Variants in JADE3 observed in about 807,000 individuals in gnomAD.
JADE3 encodes protein Jade-3.
In JADE3, 2 loss-of-function variants were observed where a neutral mutation model predicts 50.1. The observed-to-expected ratio is 0.04, with a 90% CI of 0.02 to 0.13. The LOEUF is 0.13. JADE3 is among the 10% of genes least tolerant of loss of function. JADE3 has a pLI of 1.00. For missense variants in JADE3, 475 were observed against 634.4 expected, an observed-to-expected ratio of 0.75 and a Z score of 2.70; for synonymous variants, 218 against 232.9, an observed-to-expected ratio of 0.94 and a Z score of 0.58.
intron 4 of JADE3, among the ~76,000 whole-genome samples, chrX:47,001,954 T>G (rs1239172756): frequency 9.0e-6 from 1 of 111,521 alleles, no homozygotes; most frequent in Non-Finnish European, 1.9e-5. Flanking sequence ...TCAGATTCTT[T>G]GTTTTTTTAC....
chrX:46,939,324 G>A (rs976313221), intron 1 of JADE3, among the ~76,000 whole-genome samples: 1 of 110,257 alleles, frequency 9.1e-6, no homozygotes, highest in Non-Finnish European at 1.9e-5. Flanking sequence ...GAAAGTATAA[G>A]TCAGCTCTAG....
chrX:46,964,848 C>A (rs781923423), intron 1 of JADE3, among the ~76,000 whole-genome samples: 1 of 112,165 alleles, frequency 8.9e-6, no homozygotes, highest in Non-Finnish European at 1.9e-5. Context: ...AAAAACCATT[C>A]TTAGCCTCCA....
At chrX:46,917,904 C>CTCT (rs1926142544) in intron 1 of JADE3, among the ~76,000 whole-genome samples, 12 of 91,611 alleles carry the variant, frequency 1.3e-4, no homozygotes, top group African/African-American at 4.9e-4. Flanking sequence ...TCTCTCTCAT[C>CTCT]CTCTCTCATC....
intron 1 of JADE3, among the ~76,000 whole-genome samples, chrX:46,981,798 A>G (rs1927759523): frequency 8.9e-6 from 1 of 112,297 alleles, no homozygotes; most frequent in Non-Finnish European, 1.9e-5. Context: ...CAAAGGACAC[A>G]ATATGTTTTC....
At chrX:47,020,254 C>A (rs1556364067) in intron 4 of JADE3, among the ~76,000 whole-genome samples, 1 of 109,894 alleles carries the variant, frequency 9.1e-6, no homozygotes, top group African/African-American at 3.3e-5. Context: ...TCATTTCAAC[C>A]TGGTAGGCAG....
chrX:46,979,145 G>T (rs1927686738), intron 1 of JADE3, among the ~76,000 whole-genome samples: 1 of 111,542 alleles, frequency 9.0e-6, no homozygotes, highest in African/African-American at 3.3e-5. Flanking sequence ...TGTTTCCTAG[G>T]CTTTTTACTG....
intron 1 of JADE3, among the ~76,000 whole-genome samples, chrX:46,982,677 G>T (rs1407863993): frequency 9.0e-6 from 1 of 110,932 alleles, no homozygotes; most frequent in Non-Finnish European, 1.9e-5. Flanking sequence ...GCAGTATGAA[G>T]CCTCTAATGT....
At chrX:46,984,744 A>G in intron 1 of JADE3, 140 bp from the exon 2 acceptor site, 1 of 483,076 alleles carries the variant, frequency 2.1e-6, no homozygotes, top group Non-Finnish European at 3.7e-6. Context: ...ATTCTAAGTC[A>G]TTTGAGAATA....
rs782057950 is a variant in JADE3 at position 46,920,750 on chromosome X, T to C, written c.-12+8031T>C. Among the ~76,000 whole-genome samples, 10 of 112,487 alleles carry C rather than the reference T, an allele frequency of 8.9e-5. No homozygotes were observed. The South Asian group carries it at 3.7e-3, about 42-fold the overall frequency. ...CTTTCTCCATTGAATTGCCTTTGCATATGTGTCAAAAATCAGTTGACTATC... is the reference window on the plus strand; with the variant it reads ...CTTTCTCCATTGAATTGCCTTTGCACATGTGTCAAAAATCAGTTGACTATC... On this transcript the variant is annotated intron_variant, in intron 1 of 10. Transcript: ENST00000614628.
At chrX:46,924,562 A>G (rs1227401981) in intron 1 of JADE3, among the ~76,000 whole-genome samples, 1 of 112,222 alleles carries the variant, frequency 8.9e-6, no homozygotes, top group African/African-American at 3.2e-5. Context: ...GTTTTAATCT[A>G]TATAAATGTC....
chrX:46,995,071 C>T (rs1928095181), intron 3 of JADE3, among the ~76,000 whole-genome samples: 1 of 105,585 alleles, frequency 9.5e-6, no homozygotes, highest in Non-Finnish European at 2.0e-5. Flanking sequence ...GCTCTGTCGC[C>T]CAGGCTGGAG....
chrX:47,007,769 A>G (rs781968353), intron 4 of JADE3, among the ~76,000 whole-genome samples: 3 of 106,363 alleles, frequency 2.8e-5, no homozygotes, highest in Non-Finnish European at 5.8e-5. Flanking sequence ...ATTTGATGCA[A>G]TTATTAATAT....
At chrX:46,975,845 G>A (rs1449869213) in intron 1 of JADE3, among the ~76,000 whole-genome samples, 1 of 103,024 alleles carries the variant, frequency 9.7e-6, no homozygotes, top group African/African-American at 3.6e-5. Flanking sequence ...TCAGCCTCCT[G>A]AGTGGCTGGG....
chrX:47,001,655 T>C (rs1034896230), intron 4 of JADE3, among the ~76,000 whole-genome samples: 16 of 112,254 alleles, frequency 1.4e-4, no homozygotes, highest in Admixed American at 1.9e-4. Context: ...TTCTGAATTT[T>C]GTAAGTCACC....
At chrX:46,997,185 C>T (rs1928149944) in intron 3 of JADE3, among the ~76,000 whole-genome samples, 1 of 111,216 alleles carries the variant, frequency 9.0e-6, no homozygotes, top group Admixed American at 9.6e-5. Flanking sequence ...AAATTGCCAC[C>T]ACTACTTAAC....
Position 47,060,292 on chromosome X carries a change from G to T in JADE3, c.*1215G>T, listed in dbSNP as rs1196201685. 2 of 109,838 alleles carry T rather than the reference G, an allele frequency of 1.8e-5. No homozygotes were observed. The highest frequency in any genetic ancestry group is 3.3e-5 in the African/African-American group (1 of 30,179). The allele number at this position is 109,838 out of a possible 1,213,427, so 9.1% of individuals were successfully genotyped here. A position where few individuals can be genotyped will look rare whatever the true frequency, so the allele number is the denominator to read the frequency against. On this transcript the variant is annotated 3_prime_UTR_variant, in exon 11 of 11. Coordinates refer to ENST00000614628, the MANE Select transcript of JADE3 (RefSeq NM_014735.5). ...CTTCTCATTTAAATAAGAGAGAAAT[G>T]ATGCCGTTTTTTAAATGTGAAGCAG...
intron 8 of JADE3, 66 bp from the exon 9 acceptor site, chrX:47,054,092 C>A (rs2239791): frequency 1.3e-6 from 1 of 759,456 alleles, no homozygotes; most frequent in African/African-American, 2.1e-5. Context: ...CAATTTAGGT[C>A]CAGAAACATA....
rs1556360053 is a variant in JADE3, at chrX:47,005,115, G to C, written c.284+6838G>C. 2.7e-5 allele frequency among the ~76,000 whole-genome samples: 3 copies of C among 111,741 alleles called. No individual in the cohort carries two copies. In the Admixed American group the frequency reaches 2.9e-4, roughly 11 times the overall value. ...GGATTTCTTTTTGTTCCCAGAGTTG[G>C]TGCTGGAGAAGCTAGCAACCCAGAA... On this transcript the variant is annotated intron_variant, in intron 4 of 10. Transcript: ENST00000614628.
chrX:46,971,688 T>C (rs1331792588), intron 1 of JADE3, among the ~76,000 whole-genome samples: 5 of 106,340 alleles, frequency 4.7e-5, no homozygotes, highest in Non-Finnish European at 7.8e-5. Context: ...CCCAGCTACT[T>C]GGGAGGCTGA....
Sources: gnomAD v4.1 joint callset for allele counts (sites outside exome capture counted in the v4.1 genomes callset) on GRCh38, gnomAD v4.1.1 for gene constraint, MANE v1.5 for transcripts, NCBI Gene and HGNC (gene_info 2026-07-23, HGNC 2026-07-21) for gene names.